The following MRPS31 variants were observed in gnomAD, a reference collection of about 807,000 sequenced individuals.
MRPS31 encodes the protein mitochondrial ribosomal protein S31, also known as small ribosomal subunit protein mS31.
MRPS31 carries 32 observed loss-of-function variants against 43.1 expected under a neutral mutation model. The observed-to-expected ratio is 0.74, with a 90% confidence interval of 0.56 to 1.00. MRPS31 has a LOEUF of 1.00. Among genes scored for constraint, MRPS31 ranks in the 50% least tolerant of loss-of-function variants. The pLI is 0.00. For missense variants in MRPS31, 437 were observed against 466.7 expected (o/e 0.94, Z 0.59); for synonymous variants, 165 against 161.6 (o/e 1.02, Z -0.16).
rs1177442396 is a variant in MRPS31 at position 40,759,198 on chromosome 13, G to A, written c.441-92C>T. ...CATGCCTGTAATTCCAGCACTTTGG[G>A]AAGCCGAGGCAGACAGATCACTTGA... On this transcript the variant is annotated intron_variant, in intron 2 of 6. Transcript: ENST00000323563. 4 of 993,682 alleles carry A rather than the reference G, an allele frequency of 4.0e-6. No individual in the cohort carries two copies. The East Asian group carries it at 1.2e-4, about 29-fold the overall frequency. The allele number at this position is 993,682 out of a possible 1,614,324, so 61.6% of individuals were successfully genotyped here.
chr13:40,745,081 C>A (rs1880205095), intron 6 of MRPS31, among the ~76,000 whole-genome samples: 1 of 151,746 alleles, frequency 6.6e-6, no homozygotes, highest in South Asian at 2.1e-4. Flanking sequence ...ACCACCAAGC[C>A]TGGCTAATTT....
intron 6 of MRPS31, among the ~76,000 whole-genome samples, chr13:40,748,058 T>C (rs565594294): frequency 6.6e-6 from 1 of 152,282 alleles, no homozygotes; most frequent in Admixed American, 6.5e-5. Context: ...TACCATAACA[T>C]TATGAAGGTT....
intron 1 of MRPS31, among the ~76,000 whole-genome samples, chr13:40,768,536 G>A (rs1880913297): frequency 6.6e-6 from 1 of 152,010 alleles, no homozygotes; most frequent in Non-Finnish European, 1.5e-5. Context: ...CTGAGCTCAG[G>A]TGATCCTCCC....
At chr13:40,729,846 C>T (rs1326524877) in intron 6 of MRPS31, among the ~76,000 whole-genome samples, 3 of 151,712 alleles carry the variant, frequency 2.0e-5, no homozygotes, top group Non-Finnish European at 4.4e-5. Flanking sequence ...TCTCCTGCCT[C>T]AGCCTCCCGA....
intron 6 of MRPS31, among the ~76,000 whole-genome samples, chr13:40,735,226 G>A (rs904927303): frequency 1.3e-5 from 2 of 152,188 alleles, no homozygotes; most frequent in African/African-American, 4.8e-5. Context: ...CTTTTCCAAC[G>A]GGCTTAAAAA....
intron 2 of MRPS31, among the ~76,000 whole-genome samples, chr13:40,766,379 T>C (rs1051394367): frequency 3.3e-5 from 5 of 152,176 alleles, no homozygotes; most frequent in African/African-American, 9.7e-5. Context: ...CTGCAACCTC[T>C]GCCTCCTGGG....
chr13:40,750,267 T>C (rs1363243620), intron 5 of MRPS31, among the ~76,000 whole-genome samples: 1 of 152,160 alleles, frequency 6.6e-6, no homozygotes, highest in South Asian at 2.1e-4. Context: ...AGAAGCCAGA[T>C]GCAAAGGAGT....
At chr13:40,734,115 C>T (rs1232457533) in intron 6 of MRPS31, among the ~76,000 whole-genome samples, 1 of 151,932 alleles carries the variant, frequency 6.6e-6, no homozygotes, top group Non-Finnish European at 1.5e-5. Flanking sequence ...GGTGACAAAG[C>T]AAGAAAGACA....
intron 6 of MRPS31, among the ~76,000 whole-genome samples, chr13:40,733,428 GA>G (rs764030393): frequency 2.0e-5 from 3 of 152,080 alleles, no homozygotes; most frequent in Non-Finnish European, 2.9e-5. Context: ...TTGGGAGGCC[GA>G]AATTATCAAA....
chr13:40,742,917 AG>A, intron 6 of MRPS31, among the ~76,000 whole-genome samples: 1 of 152,326 alleles, frequency 6.6e-6, no homozygotes, highest in South Asian at 2.1e-4. Context: ...GGTGGATTAA[AG>A]GCTTAAATGT....
At chr13:40,754,873 A>C (rs1408324400) in intron 4 of MRPS31, among the ~76,000 whole-genome samples, 1 of 152,136 alleles carries the variant, frequency 6.6e-6, no homozygotes, top group Non-Finnish European at 1.5e-5. Flanking sequence ...TACTAAAAAC[A>C]CACAAAAAAA....
At chr13:40,747,708 T>C (rs373764573) in intron 6 of MRPS31, among the ~76,000 whole-genome samples, 1 of 151,928 alleles carries the variant, frequency 6.6e-6, no homozygotes, top group Non-Finnish European at 1.5e-5. Context: ...CAAAACCCCA[T>C]CTCTACTAAA....
rs752101185 is a variant in MRPS31 at position 40,771,003 on chromosome 13, C to A, written c.134G>T (p.Ser45Ile). ...TVRHGTVRYR[S>I]SALLARTKNN... ...GACCTACCGGGCCAACAGCGCTGAA[C>A]TGCGGTACCTGACTGTTCCGTGCCG... is the stretch of plus-strand genomic sequence containing the variant. Residue 45 changes from serine (S) to isoleucine (I), a missense_variant, in exon 1 of 7, where the codon AGT (serine) becomes ATT (isoleucine). Ser to Ile is a moderately radical substitution (Grantham distance 142, BLOSUM62 -2). Transcript: ENST00000323563. 1 of 1,614,184 alleles carries A rather than the reference C, an allele frequency of 6.2e-7. No homozygotes were observed. Among genetic ancestry groups the A allele is most frequent in the South Asian group, 1.1e-5 (1 of 91,076 alleles).
intron 1 of MRPS31, among the ~76,000 whole-genome samples, chr13:40,770,408 T>A (rs746514310): frequency 6.6e-6 from 1 of 152,250 alleles, no homozygotes; most frequent in Non-Finnish European, 1.5e-5. Flanking sequence ...TCCTTCAGAT[T>A]TCGTCAGACT....
intron 1 of MRPS31, among the ~76,000 whole-genome samples, chr13:40,769,421 T>TATATATATATATA (rs10684050): frequency 5.8e-5 from 7 of 120,108 alleles, no homozygotes; most frequent in Non-Finnish European, 8.7e-5. Flanking sequence ...TATATATATA[T>TATATATATATATA]TATCAAGTTC....
At position 40,729,521 on chromosome 13, in the gene MRPS31, T is replaced by A. The variant is rs1226143038; in HGVS notation, c.1039A>T (p.Ile347Phe). 6.2e-6 allele frequency: 10 copies of A among 1,614,020 alleles called. No homozygotes were observed. In the East Asian group the frequency reaches 6.7e-5, roughly 11 times the overall value. ...HLESFPKQGPIRHFMELVTCG... is the reference protein window; with the variant it reads ...HLESFPKQGPFRHFMELVTCG... ...GTCACCAGCTCCATGAAGTGGCGAA[T>A]TGGTCCTTGTTTTGGAAAGCTCTCC... Residue 347 changes from isoleucine (I) to phenylalanine (F), a missense_variant, in exon 7 of 7, where the codon ATT (isoleucine) becomes TTT (phenylalanine). Coordinates refer to ENST00000323563, the MANE Select transcript of MRPS31 (RefSeq NM_005830.4).
chr13:40,769,171 T>C (rs1208346538), intron 1 of MRPS31, among the ~76,000 whole-genome samples: 1 of 150,970 alleles, frequency 6.6e-6, no homozygotes, highest in Non-Finnish European at 1.5e-5. Context: ...AGGTCAGGAG[T>C]TCAAGACCAG....
chr13:40,743,651 A>G (rs1358665923), intron 6 of MRPS31, among the ~76,000 whole-genome samples: 1 of 152,224 alleles, frequency 6.6e-6, no homozygotes, highest in Non-Finnish European at 1.5e-5. Flanking sequence ...CCACAATGAG[A>G]TACCATCTCA....
intron 6 of MRPS31, among the ~76,000 whole-genome samples, chr13:40,748,548 A>G (rs1880303692): frequency 6.6e-6 from 1 of 152,240 alleles, no homozygotes; most frequent in African/African-American, 2.4e-5. Context: ...TAGCATAGTA[A>G]TACTGTTTTT....
Sources: allele counts gnomAD v4.1 joint callset (sites outside exome capture counted in the v4.1 genomes callset), GRCh38; gene constraint gnomAD v4.1.1; transcripts MANE v1.5; gene names NCBI Gene and HGNC (gene_info 2026-07-23, HGNC 2026-07-21).